Variants in TSC2 observed in about 807,000 individuals in gnomAD.
TSC2 encodes the protein tuberin.
Under a neutral mutation model 202.2 loss-of-function variants are expected in TSC2, and 29 were observed. The ratio of observed to expected loss-of-function variants is 0.14; its 90% CI spans 0.11 to 0.20. TSC2 has a LOEUF of 0.20. Ranked by LOEUF, TSC2 falls within the 10% of genes least tolerant of loss-of-function variation. The pLI, the probability that TSC2 is intolerant of heterozygous loss-of-function variation, is 1.00. For missense variants in TSC2, 2,429 were observed against 2,420.0 expected, an observed-to-expected ratio of 1.00 and a Z score of -0.08; for synonymous variants, 1,349 against 1,044.0, an observed-to-expected ratio of 1.29 and a Z score of -5.63.
chr16:2,057,198 C>T lies in TSC2; in HGVS notation c.848+20C>T, dbSNP rs1459744028. 6.4e-6 allele frequency: 10 copies of T among 1,551,438 alleles called. No homozygotes were observed. Among genetic ancestry groups the T allele is most frequent in the African/African-American group, 1.4e-5 (1 of 73,040 alleles). ...GGACAGGTGAGTGTGGTGGGTGGGG[C>T]GCAGGGCAGTGGAGGCCAGCACAGC... On this transcript the variant is annotated intron_variant, in intron 9 of 41. Coordinates refer to ENST00000219476, the MANE Select transcript of TSC2 (RefSeq NM_000548.5).
chr16:2,088,777 A>AT lies in TSC2; in HGVS notation c.*167_*168insT, dbSNP rs1217137451. ...GGGGTTGGGGGGGTGTCGAGGCTCTAGAAGCGGCCATGCCCACAGAAGTGG... is the reference window on the plus strand; with the variant it reads ...GGGGTTGGGGGGGTGTCGAGGCTCTATGAAGCGGCCATGCCCACAGAAGTGG... On this transcript the variant is annotated 3_prime_UTR_variant, in exon 42 of 42. Coordinates refer to ENST00000219476, the MANE Select transcript of TSC2 (RefSeq NM_000548.5). 4.2e-6 allele frequency: 4 copies of AT among 944,802 alleles called. No individual in the cohort carries two copies. The highest frequency in any genetic ancestry group is 6.2e-6 in the Non-Finnish European group (4 of 646,154). The allele number at this position is 944,802 out of a possible 1,614,324, so 58.5% of individuals were successfully genotyped here.
intron 31 of TSC2, chr16:2,082,114 C>T: frequency 1.7e-6 from 1 of 589,226 alleles, no homozygotes; most frequent in Non-Finnish European, 3.0e-6. Context: ...TGCCTGGGCC[C>T]AGGTTTGGAC....
intron 12 of TSC2, 58 bp downstream of exon 12, chr16:2,062,066 G>C: frequency 6.2e-7 from 1 of 1,609,296 alleles, no homozygotes; most frequent in Non-Finnish European, 8.5e-7. Flanking sequence ...GGGGCCGGGT[G>C]CTGGGTGAAG....
Position 2,083,767 on chromosome 16 carries a change from A to T in TSC2, c.3956A>T (p.Asp1319Val), listed in dbSNP as rs45517322. 1.9e-6 allele frequency: 3 copies of T among 1,610,830 alleles called. No homozygotes were observed. Among genetic ancestry groups the T allele is most frequent in the Non-Finnish European group, 2.5e-6 (3 of 1,179,358 alleles). The change falls in exon 33 of 42, where the codon GAC becomes GTC. Residue 1319 changes from aspartate (D) to valine (V), a missense_variant. Transcript: ENST00000219476. Reference protein sequence around the residue: ...PVLVEPPGLEDVEAALGMDRR... With the variant: ...PVLVEPPGLEVVEAALGMDRR... ...CTGGTGGAGCCCCCAGGGTTGGAGG[A>T]CGTTGAGGCAGCGCTAGGCATGGAC...
intron 17 of TSC2, among the ~76,000 whole-genome samples, chr16:2,071,065 C>T (rs973010819): frequency 1.3e-5 from 2 of 152,152 alleles, no homozygotes; most frequent in African/African-American, 4.8e-5. Flanking sequence ...CCAGGCTGAG[C>T]AGAGGTGACT....
intron 3 of TSC2, 85 bp from the exon 4 acceptor site, chr16:2,053,257 C>T: frequency 1.5e-6 from 2 of 1,363,276 alleles, no homozygotes; most frequent in African/African-American, 1.4e-5. Context: ...TCCTCCCTGT[C>T]CTCCGCTCAC....
Position 2,084,168 on chromosome 16 carries a change from C to T in TSC2, c.4006-60C>T. On this transcript the variant is annotated intron_variant, in intron 33 of 41. Coordinates refer to ENST00000219476, the MANE Select transcript of TSC2 (RefSeq NM_000548.5). ...TAGGGCCTCACCACCTCCAGGTCAA[C>T]CCCAGGTGGGCTCGAGGGTGCCTGC... 1.3e-5 allele frequency: 20 copies of T among 1,550,426 alleles called. No homozygotes were observed. In the South Asian group the frequency reaches 2.1e-4, roughly 17 times the overall value.
At chr16:2,058,059 A>G (rs1452915408) in intron 9 of TSC2, among the ~76,000 whole-genome samples, 1 of 54,992 alleles carries the variant, frequency 1.8e-5, no homozygotes, top group Non-Finnish European at 3.4e-5. Context: ...CCTTCCCTCC[A>G]TCCTTGGAAC....
At chr16:2,056,812 T>G in intron 8 of TSC2, 43 bp downstream of exon 8, 3 of 1,601,796 alleles carry the variant, frequency 1.9e-6, no homozygotes, top group Non-Finnish European at 2.5e-6. Context: ...TGAGAGCACA[T>G]GGATGGGACA....
At position 2,076,055 on chromosome 16, in the gene TSC2, C is replaced by T. The variant is rs201184637; in HGVS notation, c.2640-13C>T. 2.6e-4 allele frequency: 424 copies of T among 1,613,820 alleles called. 1 individual carries two copies. The highest frequency in any genetic ancestry group is 1.6e-3 in the Middle Eastern group (10 of 6,062). On this transcript the variant is annotated splice_polypyrimidine_tract_variant and intron_variant, in intron 23 of 41. Transcript: ENST00000219476. ...GCTGCCAGGATGGAGTGCCAGCCCC[C>T]TTCTCATCTCAGGTTTAATCAGTAC...
At position 2,056,139 on chromosome 16, in the gene TSC2, G is replaced by A. The variant is rs374674912; in HGVS notation, c.600-57G>A. ...TCATAGAGTGACTAGACCACAGCCC[G>A]TGGTGGCTCGGCCATCCAGGCAGTG... On this transcript the variant is annotated intron_variant, in intron 6 of 41. Coordinates refer to ENST00000219476, the MANE Select transcript of TSC2 (RefSeq NM_000548.5). 1.5e-5 allele frequency: 24 copies of A among 1,608,800 alleles called. No homozygotes were observed. The Middle Eastern group carries it at 6.6e-4, about 44-fold the overall frequency.
intron 9 of TSC2, among the ~76,000 whole-genome samples, chr16:2,058,012 T>C (rs2086099413): frequency 7.8e-6 from 1 of 128,482 alleles, no homozygotes; most frequent in Non-Finnish European, 1.6e-5. Context: ...CCTCGGCCCC[T>C]GCATCTCTCC....
At chr16:2,082,072 G>A (rs1403253715) in intron 31 of TSC2, 1 of 595,846 alleles carries the variant, frequency 1.7e-6, no homozygotes, top group Non-Finnish European at 3.0e-6. Flanking sequence ...AGCACTGCGG[G>A]CTCCAGGAGG....
At chr16:2,083,576 T>C (rs1207716649) in intron 32 of TSC2, 119 bp from the exon 33 acceptor site, 11 of 1,511,234 alleles carry the variant, frequency 7.3e-6, no homozygotes, top group Non-Finnish European at 9.8e-6. Context: ...AGCAGAGCCC[T>C]GGGGAGGCTC....
Position 2,062,608 on chromosome 16 carries a change from G to T in TSC2, c.1361+8G>T, listed in dbSNP as rs1596306003. 1.9e-6 allele frequency: 3 copies of T among 1,599,492 alleles called. No homozygotes were observed. The highest frequency in any genetic ancestry group is 8.5e-7 in the Non-Finnish European group (1 of 1,172,508). On this transcript the variant is annotated splice_region_variant and intron_variant, in intron 13 of 41. Coordinates refer to ENST00000219476, the MANE Select transcript of TSC2 (RefSeq NM_000548.5). ...GATGGAGAGATTCTTCAGGTAGGGG[G>T]TCCTCTGTAGCCTTGCCTGGCACCT...
chr16:2,083,621 G>T (rs766833213), intron 32 of TSC2, 74 bp from the exon 33 acceptor site: 11 of 1,546,704 alleles, frequency 7.1e-6, no homozygotes, highest in Non-Finnish European at 9.6e-6. Context: ...GGAGAAGGCT[G>T]GTTCTCGGAG....
chr16:2,087,917 C>G lies in TSC2; in HGVS notation c.5044C>G (p.Leu1682Val), dbSNP rs1336904838. The change falls in exon 39 of 42, where the codon CTG (leucine) becomes GTG (valine). Residue 1682 changes from leucine to valine, a missense_variant. Leu to Val is a conservative substitution (Grantham distance 32). Coordinates refer to ENST00000219476, the MANE Select transcript of TSC2 (RefSeq NM_000548.5). Reference protein sequence around the residue: ...IVTPLDYECNLVSLQCRKDME... With the variant: ...IVTPLDYECNVVSLQCRKDME... ...CACCCCGCTGGACTACGAGTGCAAC[C>G]TGGTGTCCCTGCAGTGCAGGAAAGG... The G allele has an allele frequency of 6.2e-7, 1 of 1,611,368 alleles. No individual in the cohort carries two copies. The highest frequency in any genetic ancestry group is 1.1e-5 in the South Asian group (1 of 90,976).
intron 31 of TSC2, 177 bp downstream of exon 31, chr16:2,081,975 T>A: frequency 1.1e-6 from 1 of 916,906 alleles, no homozygotes; most frequent in Non-Finnish European, 1.7e-6. Context: ...GGGAGGTGTC[T>A]GCCCTGCTCA....
intron 19 of TSC2, 94 bp from the exon 20 acceptor site, chr16:2,072,147 G>T: frequency 6.3e-7 from 1 of 1,599,770 alleles, no homozygotes; most frequent in South Asian, 1.1e-5. Context: ...AGCCCTTGAC[G>T]CTGTGCAGCC....
Sources: allele counts gnomAD v4.1 joint callset (sites outside exome capture counted in the v4.1 genomes callset), GRCh38; gene constraint gnomAD v4.1.1; transcripts MANE v1.5; gene names NCBI Gene and HGNC (gene_info 2026-07-23, HGNC 2026-07-21).